Variants in SMARCA1 observed in about 807,000 individuals in gnomAD.
SMARCA1 encodes SNF2 related chromatin remodeling ATPase 1.
A neutral mutation model predicts 93.6 loss-of-function variants in SMARCA1; 17 were observed. The observed-to-expected ratio is 0.18, with a 90% confidence interval of 0.12 to 0.27. The LOEUF (loss-of-function observed/expected upper bound fraction) is 0.27. SMARCA1 is among the 10% of genes least tolerant of loss of function. The pLI is 1.00. For synonymous variants in SMARCA1, 271 were observed against 271.4 expected (o/e 1.00, Z 0.01); for missense variants, 630 against 819.0 (o/e 0.77, Z 2.82).
Position 129,497,023 on chromosome X carries a change from C to A in SMARCA1, c.1505-152G>T, listed in dbSNP as rs192227671. 5.7e-3 allele frequency: 2,293 copies of A among 399,574 alleles called. 3 individuals are homozygous for A. The highest frequency in any genetic ancestry group is 7.5e-3 in the Non-Finnish European group (1,758 of 233,160). 32.9% of individuals were successfully genotyped at this position (399,574 alleles called of 1,213,427 possible). On this transcript the variant is annotated intron_variant, in intron 11 of 24. Transcript: ENST00000371121. The stretch of plus-strand genomic sequence containing the variant: ...TGCACACACACACACACACACACAC[C>A]CCCACACACCTTCAAGAGATGCTAT...
chrX:129,488,869 A>G (rs1934009450), intron 16 of SMARCA1, 68 bp downstream of exon 16: 1 of 669,677 alleles, frequency 1.5e-6, no homozygotes, highest in Non-Finnish European at 2.3e-6. Context: ...CAATGAAAAT[A>G]TAAGTATGCT....
At chrX:129,480,393 G>A (rs190597354) in intron 19 of SMARCA1, among the ~76,000 whole-genome samples, 3 of 112,177 alleles carry the variant, frequency 2.7e-5, no homozygotes, top group Admixed American at 9.4e-5. Flanking sequence ...GCTTTTAACC[G>A]CATACCTATT....
intron 17 of SMARCA1, among the ~76,000 whole-genome samples, chrX:129,481,531 T>C (rs1043428985): frequency 1.8e-5 from 2 of 111,959 alleles, no homozygotes; most frequent in Non-Finnish European, 3.8e-5. Flanking sequence ...GTAACTGTAA[T>C]ACGTGCATGA....
chrX:129,463,060 C>G (rs1932833231), intron 23 of SMARCA1, among the ~76,000 whole-genome samples: 1 of 110,567 alleles, frequency 9.0e-6, no homozygotes, highest in African/African-American at 3.3e-5. Flanking sequence ...TTTAATGATT[C>G]CAGAAACTGA....
At chrX:129,475,760 T>C (rs1448692488) in intron 19 of SMARCA1, among the ~76,000 whole-genome samples, 3 of 112,385 alleles carry the variant, frequency 2.7e-5, no homozygotes, top group Non-Finnish European at 3.8e-5. Flanking sequence ...TTTGGCCTTG[T>C]TTCTTAGGAG....
At chrX:129,507,746 G>T (rs1002607305) in intron 7 of SMARCA1, among the ~76,000 whole-genome samples, 195 bp downstream of exon 7, 2 of 111,798 alleles carry the variant, frequency 1.8e-5, no homozygotes, top group Non-Finnish European at 3.8e-5. Context: ...TAGAGACGGG[G>T]TTTCACCATG....
At chrX:129,503,076 T>C (rs1934628804) in intron 9 of SMARCA1, among the ~76,000 whole-genome samples, 1 of 111,939 alleles carries the variant, frequency 8.9e-6, no homozygotes, top group Non-Finnish European at 1.9e-5. Context: ...TCTTCTTTTT[T>C]CTTTTTGAGA....
At chrX:129,473,542 C>G (rs1162905089) in intron 19 of SMARCA1, among the ~76,000 whole-genome samples, 1 of 111,662 alleles carries the variant, frequency 9.0e-6, no homozygotes, top group Non-Finnish European at 1.9e-5. Context: ...AGCCAAAAGC[C>G]AGAAAACAGC....
At position 129,499,756 on chromosome X, in the gene SMARCA1, C is replaced by T. The variant is rs1179578830; in HGVS notation, c.1253G>A (p.Gly418Glu). 1 of 1,150,502 alleles carries T rather than the reference C, an allele frequency of 8.7e-7. No homozygotes were observed. The highest frequency in any genetic ancestry group is 1.8e-5 in the South Asian group (1 of 54,954). The allele number at this position is 1,150,502 out of a possible 1,213,427, so 94.8% of individuals were successfully genotyped here. A position where few individuals can be genotyped will look rare whatever the true frequency, so the allele number is the denominator to read the frequency against. ...CCATTCTCGTTGCATCTTACTCAGC[C>T]CCAAGTAAATCTTTATTTCCTTTTT... Reference protein sequence around the residue: ...PPKKEIKIYLGLSKMQREWYT... With the variant: ...PPKKEIKIYLELSKMQREWYT... The change falls in exon 10 of 25, where the codon GGG becomes GAG. Residue 418 changes from glycine (G) to glutamate (E), a missense_variant. Coordinates refer to ENST00000371121, the MANE Select transcript of SMARCA1 (RefSeq NM_001282874.2).
rs192663182 is a variant in SMARCA1, at chrX:129,507,847, G to A, written c.966+94C>T. ...GATTACAGGCGTGAGCCACCACACC[G>A]GCTGTTCCATCATTTTTTATTCTGA... On this transcript the variant is annotated intron_variant, in intron 7 of 24. Coordinates refer to ENST00000371121, the MANE Select transcript of SMARCA1 (RefSeq NM_001282874.2). 271 of 569,954 alleles carry A rather than the reference G, an allele frequency of 4.8e-4. 1 individual carries two copies. The South Asian group carries it at 7.5e-3, about 16-fold the overall frequency. 47.0% of individuals were successfully genotyped at this position (569,954 alleles called of 1,213,427 possible). A position where few individuals can be genotyped will look rare whatever the true frequency, so the allele number is the denominator to read the frequency against.
intron 9 of SMARCA1, among the ~76,000 whole-genome samples, chrX:129,504,209 C>T (rs1212658420): frequency 8.9e-6 from 1 of 111,738 alleles, no homozygotes; most frequent in African/African-American, 3.3e-5. Context: ...GCTCGGGAGG[C>T]GGACTTTGCA....
intron 19 of SMARCA1, among the ~76,000 whole-genome samples, chrX:129,475,129 A>T (rs1933312696): frequency 9.2e-6 from 1 of 108,902 alleles, no homozygotes; most frequent in Non-Finnish European, 1.9e-5. Context: ...CTTAATAGTC[A>T]TCATTTTAAT....
At chrX:129,473,028 T>C (rs777397072) in intron 19 of SMARCA1, among the ~76,000 whole-genome samples, 1 of 111,336 alleles carries the variant, frequency 9.0e-6, no homozygotes, top group Non-Finnish European at 1.9e-5. Context: ...AAGAATATTC[T>C]AGGCTAGGGG....
chrX:129,448,469 A>C, intron 23 of SMARCA1, 26 bp from the exon 24 acceptor site: 1 of 1,141,326 alleles, frequency 8.8e-7, no homozygotes, highest in Non-Finnish European at 1.2e-6. Flanking sequence ...AAGATTTTTA[A>C]TTTCTGCAAC....
intron 6 of SMARCA1, among the ~76,000 whole-genome samples, chrX:129,511,474 T>C (rs957429459): frequency 1.8e-5 from 2 of 112,124 alleles, no homozygotes; most frequent in African/African-American, 6.5e-5. Flanking sequence ...ACTGGTAAGA[T>C]ATACTGTCAA....
intron 9 of SMARCA1, among the ~76,000 whole-genome samples, chrX:129,502,312 T>C (rs1934599790): frequency 9.0e-6 from 1 of 111,285 alleles, no homozygotes; most frequent in East Asian, 2.8e-4. Context: ...CCTTATAAAA[T>C]GTTAAACTTT....
In SMARCA1 at chrX:129,516,049, T is replaced by C. The variant is rs774861201; in HGVS notation, c.429-55A>G. On this transcript the variant is annotated intron_variant, in intron 3 of 24. Coordinates refer to ENST00000371121, the MANE Select transcript of SMARCA1 (RefSeq NM_001282874.2). ...TTCGACCTAAATGATAAGGTATCAA[T>C]TAAATCAGTGTACATGGCTATTATC... The C allele has an allele frequency of 1.4e-4, 122 of 893,671 alleles. 1 individual carries two copies. The South Asian group carries it at 2.5e-3, about 18-fold the overall frequency. 73.6% of individuals were successfully genotyped at this position (893,671 alleles called of 1,213,427 possible). A position where few individuals can be genotyped will look rare whatever the true frequency, so the allele number is the denominator to read the frequency against.
intron 23 of SMARCA1, among the ~76,000 whole-genome samples, chrX:129,449,309 T>G (rs902237048): frequency 8.9e-6 from 1 of 111,927 alleles, no homozygotes. Context: ...AGCCTTTCAG[T>G]TCCCTATGTG....
rs764037255 is a variant in SMARCA1, at chrX:129,464,649, T to C, written c.3030+871A>G. 2.7e-5 allele frequency among the ~76,000 whole-genome samples: 3 copies of C among 112,374 alleles called. No individual in the cohort carries two copies. The East Asian group carries it at 8.3e-4, about 31-fold the overall frequency. The stretch of plus-strand genomic sequence containing the variant: ...ACTCAACTTAGGCAACAACTCCTTT[T>C]CATTAAAAGTCCATCTTTAAGTCAT... On this transcript the variant is annotated intron_variant, in intron 23 of 24. Transcript: ENST00000371121.
Sources: allele counts gnomAD v4.1 joint callset (sites outside exome capture counted in the v4.1 genomes callset), GRCh38; gene constraint gnomAD v4.1.1; transcripts MANE v1.5; gene names NCBI Gene and HGNC (gene_info 2026-07-23, HGNC 2026-07-21).